Variants in CASP8 observed in about 807,000 individuals in gnomAD.
The protein encoded by CASP8 is caspase 8.
In CASP8, 24 loss-of-function variants were observed where a neutral mutation model predicts 46.3. That is an observed-to-expected ratio of 0.52 (90% CI 0.38 to 0.73). The LOEUF is 0.73. CASP8 is among the 30% of genes least tolerant of loss of function. CASP8 has a pLI of 0.00. For synonymous variants in CASP8, 188 were observed against 200.4 expected (o/e 0.94, Z 0.52); for missense variants, 460 against 559.0 (o/e 0.82, Z 1.79).
At chr2:201,254,856 T>A (rs1946944739) in intron 2 of CASP8, among the ~76,000 whole-genome samples, 1 of 152,208 alleles carries the variant, frequency 6.6e-6, no homozygotes, top group African/African-American at 2.4e-5. Context: ...CATTCTGTGC[T>A]GGGCAGGAGC....
At position 201,266,544 on chromosome 2, in the gene CASP8, G is replaced by T; in HGVS notation, c.58G>T (p.Ala20Ser). ...GGAACAACTGGACAGTGAAGATCTGGCCTCCCTCAAGTTCCTGAGCCTGGA... is the reference window on the plus strand; with the variant it reads ...GGAACAACTGGACAGTGAAGATCTGTCCTCCCTCAAGTTCCTGAGCCTGGA... Reference protein sequence around the residue: ...IGEQLDSEDLASLKFLSLDYI... With the variant: ...IGEQLDSEDLSSLKFLSLDYI... Residue 20 changes from alanine to serine, a missense_variant, in exon 2 of 9, where the codon GCC becomes TCC. Ala to Ser is a moderately conservative substitution (Grantham distance 99). Transcript: ENST00000673742. This position sits in a 1 kb window ranked among gnomAD's most constrained non-coding sequence, Gnocchi z 5.7. 1 of 1,614,148 alleles carries T rather than the reference G, an allele frequency of 6.2e-7. No individual in the cohort carries two copies. The highest frequency in any genetic ancestry group is 8.5e-7 in the Non-Finnish European group (1 of 1,179,980).
upstream of CASP8, chr2:201,258,312 T>A: frequency 5.6e-6 from 9 of 1,614,150 alleles, no homozygotes; most frequent in Non-Finnish European, 7.6e-6. Flanking sequence ...CCCCCTTCCC[T>A]GCTGAGCACG....
At chr2:201,274,868 G>A (rs779188502) in intron 5 of CASP8, 21 bp from the exon 6 acceptor site, 1 of 1,589,928 alleles carries the variant, frequency 6.3e-7, no homozygotes, top group Admixed American at 1.7e-5. Flanking sequence ...CATTCTAGAT[G>A]TGTCTCTTCG....
In CASP8 at chr2:201,266,534, T is replaced by G; in HGVS notation, c.48T>G (p.Ser16Arg). 6.2e-7 allele frequency: 1 copy of G among 1,614,156 alleles called. No homozygotes were observed. The highest frequency in any genetic ancestry group is 8.5e-7 in the Non-Finnish European group (1 of 1,179,972). Residue 16 changes from serine to arginine, a missense_variant, in exon 2 of 9, where the codon AGT becomes AGG. Physicochemically the swap from Ser to Arg is moderately radical, Grantham distance 110. Coordinates refer to ENST00000673742, the MANE Select transcript of CASP8 (RefSeq NM_001372051.1). This position sits in a 1 kb window ranked among gnomAD's most constrained non-coding sequence, Gnocchi z 5.7. ...NLYDIGEQLD[S>R]EDLASLKFLS... ...ATGATATTGGGGAACAACTGGACAG[T>G]GAAGATCTGGCCTCCCTCAAGTTCC... is the stretch of plus-strand genomic sequence containing the variant.
At chr2:201,242,053 T>TCATCAACAA (rs1421488579) in intron 2 of CASP8, 2 of 152,200 alleles carry the variant, frequency 1.3e-5, no homozygotes, top group African/African-American at 4.8e-5. Context: ...AGTCTCAACA[T>TCATCAACAA]CATCAAGACC....
At position 201,262,265 on chromosome 2, in the gene CASP8, A is replaced by T. The variant is rs139244521; in HGVS notation, c.-27+1652A>T. 164 of 152,218 alleles carry T rather than the reference A, an allele frequency of 1.1e-3. 1 individual carries two copies. The highest frequency in any genetic ancestry group is 3.6e-3 in the African/African-American group (149 of 41,568). 9.4% of individuals were successfully genotyped at this position (152,218 alleles called of 1,614,324 possible). A position where few individuals can be genotyped will look rare whatever the true frequency, so the allele number is the denominator to read the frequency against. On this transcript the variant is annotated intron_variant, in intron 1 of 8. Transcript: ENST00000673742. ...ACAACAGAAAAATGGGGACAGTAATAGTAGTTTCTTCAGAGGCTTTTAGTG... is the reference window on the plus strand; with the variant it reads ...ACAACAGAAAAATGGGGACAGTAATTGTAGTTTCTTCAGAGGCTTTTAGTG...
At chr2:201,251,564 C>T (rs1946779407) in intron 2 of CASP8, among the ~76,000 whole-genome samples, 1 of 139,378 alleles carries the variant, frequency 7.2e-6, no homozygotes, top group Admixed American at 7.6e-5. Flanking sequence ...CACTGCACTC[C>T]AGCCTGGGCA....
chr2:201,273,225 A>G (rs1376789408), intron 5 of CASP8, among the ~76,000 whole-genome samples: 1 of 151,912 alleles, frequency 6.6e-6, no homozygotes, highest in Non-Finnish European at 1.5e-5. Context: ...ACGCCTAGCT[A>G]ATTTTGTATT....
chr2:201,265,235 G>T (rs975241696), intron 1 of CASP8, among the ~76,000 whole-genome samples: 1 of 152,078 alleles, frequency 6.6e-6, no homozygotes, highest in Non-Finnish European at 1.5e-5. Flanking sequence ...AATTAGCTGG[G>T]TGTGGTGGTG....
chr2:201,276,779 G>C (rs2125316603), intron 6 of CASP8, 48 bp from the exon 7 acceptor site: 2 of 1,612,986 alleles, frequency 1.2e-6, no homozygotes, highest in African/African-American at 2.7e-5. Context: ...TACATCTCTA[G>C]TGTTTGACCC....
chr2:201,261,550 A>G (rs922681118), intron 1 of CASP8, among the ~76,000 whole-genome samples: 2 of 152,132 alleles, frequency 1.3e-5, no homozygotes, highest in Non-Finnish European at 2.9e-5. Flanking sequence ...ATGGGATTAT[A>G]TGTTTTGCTG....
chr2:201,285,201 G>A lies in CASP8; in HGVS notation c.1188G>A (p.Glu396=), dbSNP rs776243948. 9.9e-6 allele frequency: 16 copies of A among 1,614,192 alleles called. No homozygotes were observed. Among genetic ancestry groups the A allele is most frequent in the South Asian group, 1.1e-5 (1 of 91,080 alleles). ...CTCAAACGAGATATATCCCGGATGA[G>A]GCTGACTTTCTGCTGGGGATGGCCA... is the stretch of plus-strand genomic sequence containing the variant. ...SSPQTRYIPD[E]ADFLLGMATV... is the part of the protein sequence containing the mutation. The change falls in exon 8 of 9, where the codon GAG becomes GAA. Residue 396 remains glutamate, a synonymous_variant. Coordinates refer to ENST00000673742, the MANE Select transcript of CASP8 (RefSeq NM_001372051.1).
chr2:201,261,072 T>A (rs1182560139), intron 1 of CASP8, among the ~76,000 whole-genome samples: 1 of 152,196 alleles, frequency 6.6e-6, no homozygotes, highest in East Asian at 1.9e-4. Context: ...CATGTGGTCC[T>A]ACTAATTCAA....
chr2:201,273,405 T>C (rs1172206520), intron 5 of CASP8, among the ~76,000 whole-genome samples: 7 of 152,196 alleles, frequency 4.6e-5, no homozygotes, highest in African/African-American at 1.4e-4. Flanking sequence ...AAGTTTGAAA[T>C]AGGTGCAGAG....
At chr2:201,283,378 G>A (rs1440435251) in intron 7 of CASP8, among the ~76,000 whole-genome samples, 57 of 61,786 alleles carry the variant, frequency 9.2e-4, no homozygotes, top group African/African-American at 3.1e-3. Context: ...GGACGGGGCG[G>A]CTGGCCAGGC....
Position 201,286,702 on chromosome 2 carries a change from G to T in CASP8, c.*108G>T. On this transcript the variant is annotated 3_prime_UTR_variant, in exon 9 of 9. Coordinates refer to ENST00000673742, the MANE Select transcript of CASP8 (RefSeq NM_001372051.1). ...GTGATCTCGGCTCACCGCAAGCTCC[G>T]CCTCCCGGGTTCAGGCCATTCTCCT... 2.1e-6 allele frequency: 2 copies of T among 969,584 alleles called. No homozygotes were observed. Among genetic ancestry groups the T allele is most frequent in the Non-Finnish European group, 3.1e-6 (2 of 637,534 alleles). The allele number at this position is 969,584 out of a possible 1,614,324, so 60.1% of individuals were successfully genotyped here. A position where few individuals can be genotyped will look rare whatever the true frequency, so the allele number is the denominator to read the frequency against.
chr2:201,277,702 A>AT (rs60513589), intron 7 of CASP8: 23,348 of 397,820 alleles, frequency 0.059, 98 homozygotes, highest in East Asian at 0.098. Context: ...CCCTATTAAC[A>AT]TTTTTTTTTT....
chr2:201,265,473 G>C (rs1332344785), intron 1 of CASP8, among the ~76,000 whole-genome samples: 1 of 152,156 alleles, frequency 6.6e-6, no homozygotes. Flanking sequence ...GGATATAATG[G>C]ACTTTGGGGA....
At chr2:201,261,333 G>A (rs1947380130) in intron 1 of CASP8, among the ~76,000 whole-genome samples, 1 of 150,736 alleles carries the variant, frequency 6.6e-6, no homozygotes. Flanking sequence ...GGAAGTTGTG[G>A]TGAGCCGAGA....
Sources: allele counts gnomAD v4.1 joint callset (sites outside exome capture counted in the v4.1 genomes callset), GRCh38; gene constraint gnomAD v4.1.1; non-coding constraint Gnocchi (gnomAD v3.1); transcripts MANE v1.5; gene names NCBI Gene and HGNC (gene_info 2026-07-23, HGNC 2026-07-21).